The following MPHOSPH8 variants were observed in gnomAD, a reference collection of about 807,000 sequenced individuals.
The protein encoded by MPHOSPH8 is M-phase phosphoprotein, mpp.
In MPHOSPH8, 45 loss-of-function variants were observed where a neutral mutation model predicts 87.3. That is an observed-to-expected ratio of 0.52 (90% CI 0.41 to 0.66). The LOEUF is 0.66. Among genes scored for constraint, MPHOSPH8 ranks in the 30% least tolerant of loss-of-function variants. The probability of loss-of-function intolerance (pLI) is 0.00; values close to 1 mark genes in which losing one functional copy is unlikely to be tolerated. For missense variants in MPHOSPH8, 883 were observed against 1,020.2 expected, an observed-to-expected ratio of 0.87 and a Z score of 1.83; for synonymous variants, 366 against 376.9, an observed-to-expected ratio of 0.97 and a Z score of 0.33.
intron 2 of MPHOSPH8, among the ~76,000 whole-genome samples, chr13:19,644,340 C>G (rs1211185369): frequency 6.6e-6 from 1 of 152,218 alleles, no homozygotes; most frequent in East Asian, 1.9e-4. Context: ...CAGTTAATAA[C>G]TATAATCAGC....
chr13:19,660,048 G>A lies in MPHOSPH8; in HGVS notation c.1791+759G>A, dbSNP rs532797059. On this transcript the variant is annotated intron_variant, in intron 7 of 13. Coordinates refer to ENST00000361479, the MANE Select transcript of MPHOSPH8 (RefSeq NM_017520.4). The stretch of plus-strand genomic sequence containing the variant: ...GTGATCTCAGCTCACTGCAAGCTCC[G>A]CCTCCCGGGTTCACGCCATTCTCCT... 3.5e-3 allele frequency among the ~76,000 whole-genome samples: 494 copies of A among 139,650 alleles called. 4 individuals carry two copies. The highest frequency in any genetic ancestry group is 5.6e-3 in the Non-Finnish European group (369 of 65,964). 91.6% of individuals were successfully genotyped at this position (139,650 alleles called of 152,430 possible).
chr13:19,647,211 C>G lies in MPHOSPH8; in HGVS notation c.1138C>G (p.Pro380Ala). 6.2e-7 allele frequency: 1 copy of G among 1,614,122 alleles called. No homozygotes were observed. The highest frequency in any genetic ancestry group is 8.5e-7 in the Non-Finnish European group (1 of 1,180,018). Residue 380 changes from proline (P) to alanine (A), a missense_variant, in exon 3 of 14, where the codon CCT becomes GCT. By Grantham distance (27) the Pro-to-Ala change is conservative. Coordinates refer to ENST00000361479, the MANE Select transcript of MPHOSPH8 (RefSeq NM_017520.4). ...KSAAELEKLM[P>A]VSAQTPKGRR... ...TGCTGCAGAGTTAGAGAAGCTGATG[C>G]CTGTATCTGCCCAAACGCCAAAGGG...
Position 19,661,781 on chromosome 13 carries a change from G to A in MPHOSPH8, c.1875G>A (p.Ala625=), listed in dbSNP as rs566885886. The change falls in exon 8 of 14, where the codon GCG becomes GCA. Residue 625 remains alanine (A), a synonymous_variant. Coordinates refer to ENST00000361479, the MANE Select transcript of MPHOSPH8 (RefSeq NM_017520.4). ...DLLRLLITKG[A]KVNGRQKNGT... is the part of the protein sequence containing the mutation. ...TGCGACTCCTCATCACAAAAGGCGCGAAAGTGAACGGTCGGCAGAAGAACG... is the reference window on the plus strand; with the variant it reads ...TGCGACTCCTCATCACAAAAGGCGCAAAAGTGAACGGTCGGCAGAAGAACG... The A allele has an allele frequency of 9.3e-6, 15 of 1,613,488 alleles. No individual in the cohort carries two copies. Among genetic ancestry groups the A allele is most frequent in the Middle Eastern group, 1.7e-4 (1 of 6,058 alleles).
At chr13:19,661,116 A>C (rs1477021097) in intron 7 of MPHOSPH8, 2 of 254,038 alleles carry the variant, frequency 7.9e-6, no homozygotes, top group Non-Finnish European at 1.2e-5. Flanking sequence ...AAGAAAAACA[A>C]CACCAACAAA....
chr13:19,648,410 T>C lies in MPHOSPH8; in HGVS notation c.1219-12T>C, dbSNP rs1874678747. ...TTATCCATTCTTGTTTTGGATATCA[T>C]GTCATTTTCAGGACAAAGAAACCAA... is the stretch of plus-strand genomic sequence containing the variant. On this transcript the variant is annotated splice_polypyrimidine_tract_variant and intron_variant, in intron 3 of 13. Coordinates refer to ENST00000361479, the MANE Select transcript of MPHOSPH8 (RefSeq NM_017520.4). 1 of 1,520,404 alleles carries C rather than the reference T, an allele frequency of 6.6e-7. No individual in the cohort carries two copies. 94.2% of individuals were successfully genotyped at this position (1,520,404 alleles called of 1,614,324 possible).
intron 1 of MPHOSPH8, among the ~76,000 whole-genome samples, chr13:19,637,347 A>G (rs1874061226): frequency 6.6e-6 from 1 of 152,222 alleles, no homozygotes; most frequent in Non-Finnish European, 1.5e-5. Context: ...GAAATGTAAG[A>G]ATTAGATAGA....
In MPHOSPH8 at chr13:19,666,470, T is replaced by C; in HGVS notation, c.2065T>C (p.Cys689Arg). 8 of 1,611,564 alleles carry C rather than the reference T, an allele frequency of 5.0e-6. No homozygotes were observed. Among genetic ancestry groups the C allele is most frequent in the Non-Finnish European group, 5.9e-6 (7 of 1,177,872 alleles). ...AGACATCGTACGACTCGTAATTGAA[T>C]GTGGAGCTGACTGCAATATTTTGTC... ...NSDIVRLVIE[C>R]GADCNILSKH... The change falls in exon 10 of 14, where the codon TGT (cysteine) becomes CGT (arginine). Residue 689 changes from cysteine to arginine, a missense_variant. By Grantham distance (180) the Cys-to-Arg change is radical. This residue lies in a region of MPHOSPH8 where 741 missense variants were observed against 841.5 expected (regional missense o/e 0.88). Coordinates refer to ENST00000361479, the MANE Select transcript of MPHOSPH8 (RefSeq NM_017520.4).
intron 9 of MPHOSPH8, among the ~76,000 whole-genome samples, chr13:19,663,990 C>A (rs1359080999): frequency 6.6e-6 from 1 of 152,180 alleles, no homozygotes; most frequent in Non-Finnish European, 1.5e-5. Flanking sequence ...TGTCCTCCTG[C>A]TGCATGAGGC....
chr13:19,648,504 A>T lies in MPHOSPH8; in HGVS notation c.1301A>T (p.Glu434Val), dbSNP rs1490360542. The T allele has an allele frequency of 6.3e-7, 1 of 1,575,220 alleles. No individual in the cohort carries two copies. Among genetic ancestry groups the T allele is most frequent in the Non-Finnish European group, 8.6e-7 (1 of 1,160,728 alleles). Residue 434 changes from glutamate (E) to valine (V), a missense_variant, in exon 4 of 14, where the codon GAG (glutamate) becomes GTG (valine). Around this residue, in one of 3 missense-constraint regions of MPHOSPH8, gnomAD observed 741 missense variants for 841.5 expected, o/e 0.88. Transcript: ENST00000361479. ...DSDKEEKGRKEPKGLKTLKEI... is the reference protein window; with the variant it reads ...DSDKEEKGRKVPKGLKTLKEI... ...GACAAGGAAGAAAAAGGCAGAAAAG[A>T]GCCAAAAGGATTAAAGAGTGAGTGT...
At chr13:19,654,221 A>G (rs1439605454) in intron 5 of MPHOSPH8, among the ~76,000 whole-genome samples, 2 of 152,214 alleles carry the variant, frequency 1.3e-5, no homozygotes, top group Non-Finnish European at 2.9e-5. Context: ...AACTAACACA[A>G]GAACAGAAAA....
chr13:19,668,301 A>G (rs893108957), intron 10 of MPHOSPH8, 76 bp from the exon 11 acceptor site: 19 of 1,353,596 alleles, frequency 1.4e-5, no homozygotes, highest in Non-Finnish European at 1.8e-5. Context: ...TTGGCCTGGG[A>G]AGCCCTCACT....
At chr13:19,666,322 G>A (rs1945560728) in intron 9 of MPHOSPH8, 103 bp from the exon 10 acceptor site, 4 of 1,233,778 alleles carry the variant, frequency 3.2e-6, no homozygotes, top group African/African-American at 1.5e-5. Context: ...TCCATGGCCT[G>A]TGCCCTCTCT....
Position 19,650,080 on chromosome 13 carries a change from C to T in MPHOSPH8, c.1396C>T (p.Arg466Trp), listed in dbSNP as rs749905392. ...AAAAAATGATGTTTCTGAGAATAAT[C>T]GGAAAAGGGAAGAAATACCACTGGA... ...EEKNDVSENN[R>W]KREEIPLDFK... The change falls in exon 5 of 14, where the codon CGG becomes TGG. Residue 466 changes from arginine to tryptophan, a missense_variant. Transcript: ENST00000361479. The T allele has an allele frequency of 8.7e-6, 14 of 1,612,206 alleles. No individual in the cohort carries two copies. In the African/African-American group the frequency reaches 1.1e-4, roughly 12 times the overall value.
At position 19,666,285 on chromosome 13, in the gene MPHOSPH8, C is replaced by T. The variant is rs1008288474; in HGVS notation, c.2020-140C>T. 19 of 782,106 alleles carry T rather than the reference C, an allele frequency of 2.4e-5. No homozygotes were observed. The East Asian group carries it at 2.7e-4, about 11-fold the overall frequency. The allele number at this position is 782,106 out of a possible 1,614,324, so 48.4% of individuals were successfully genotyped here. On this transcript the variant is annotated intron_variant, in intron 9 of 13. Coordinates refer to ENST00000361479, the MANE Select transcript of MPHOSPH8 (RefSeq NM_017520.4). ...TGTGACTCCTAACGCTGTGGCCTGA[C>T]GGGCCCCAAAAGTTCTCTATCCTTC...
At chr13:19,661,677 T>A in intron 7 of MPHOSPH8, 21 bp from the exon 8 acceptor site, 1 of 1,569,706 alleles carries the variant, frequency 6.4e-7, no homozygotes, top group Non-Finnish European at 8.7e-7. Context: ...AACACGTTTT[T>A]TATTTAACAA....
chr13:19,642,913 T>C (rs1047240099), intron 2 of MPHOSPH8, among the ~76,000 whole-genome samples: 6 of 152,216 alleles, frequency 3.9e-5, no homozygotes, highest in East Asian at 1.9e-4. Context: ...CTGGCATTTA[T>C]TGAGCATGTG....
At chr13:19,639,302 C>G (rs1874164911) in intron 1 of MPHOSPH8, among the ~76,000 whole-genome samples, 1 of 149,736 alleles carries the variant, frequency 6.7e-6, no homozygotes, top group African/African-American at 2.5e-5. Context: ...AGATTAGCCT[C>G]TGGAATGTCT....
intron 5 of MPHOSPH8, among the ~76,000 whole-genome samples, chr13:19,656,983 G>A (rs532269229): frequency 6.7e-6 from 1 of 149,982 alleles, no homozygotes; most frequent in East Asian, 2.0e-4. Context: ...TTAGCCAGTT[G>A]TGGTGGCATA....
rs983125521 is a variant in MPHOSPH8, at chr13:19,673,083, A to G, written c.*1208A>G. The G allele has an allele frequency of 5.2e-5, 20 of 384,464 alleles. No homozygotes were observed. Among genetic ancestry groups the G allele is most frequent in the African/African-American group, 4.7e-4 (19 of 40,374 alleles). 23.8% of individuals were successfully genotyped at this position (384,464 alleles called of 1,614,324 possible). On this transcript the variant is annotated 3_prime_UTR_variant, in exon 14 of 14. Coordinates refer to ENST00000361479, the MANE Select transcript of MPHOSPH8 (RefSeq NM_017520.4). ...AAAAAAAAAAAGTTTCTTGGAACCT[A>G]TACGGTTTTTTTTTGTTTTTTTTTT...
Sources: allele counts gnomAD v4.1 joint callset (sites outside exome capture counted in the v4.1 genomes callset), GRCh38; gene constraint gnomAD v4.1.1; regional missense constraint gnomAD v4.1.1; transcripts MANE v1.5; gene names NCBI Gene and HGNC (gene_info 2026-07-23, HGNC 2026-07-21).